The following POR variants were observed in gnomAD, a reference collection of about 807,000 sequenced individuals.
The protein encoded by POR is NADPH--cytochrome P450 reductase.
Under a neutral mutation model 84.0 loss-of-function variants are expected in POR, and 56 were observed. The ratio of observed to expected loss-of-function variants is 0.67; its 90% CI spans 0.54 to 0.83. The LOEUF (loss-of-function observed/expected upper bound fraction) is 0.83, where lower values mean the gene tolerates loss of function less well. Ranked by LOEUF, POR falls within the 40% of genes least tolerant of loss-of-function variation. The pLI is 0.00. For synonymous variants in POR, 414 were observed against 400.5 expected, an observed-to-expected ratio of 1.03 and a Z score of -0.40; for missense variants, 938 against 944.3, an observed-to-expected ratio of 0.99 and a Z score of 0.09.
At position 75,985,695 on chromosome 7, in the gene POR, G is replaced by A. The variant is rs782254385; in HGVS notation, c.1515G>A (p.Glu505=). ...TGCGGGCCAAGGAGCCTGCCGGGGA[G>A]AACGGCGGCCGTGCGCTGGTGCCCA... Residue 505 remains glutamate, a synonymous_variant, in exon 13 of 16, where the codon GAG becomes GAA. Coordinates refer to ENST00000461988, the MANE Select transcript of POR (RefSeq NM_000941.3). 11 of 1,591,254 alleles carry A rather than the reference G, an allele frequency of 6.9e-6. No homozygotes were observed. In the Admixed American group the frequency reaches 1.9e-4, roughly 28 times the overall value.
At chr7:75,965,457 C>T (rs1008202431) in intron 2 of POR, among the ~76,000 whole-genome samples, 2 of 152,178 alleles carry the variant, frequency 1.3e-5, no homozygotes, top group Non-Finnish European at 2.9e-5. Context: ...TCCTGCACCA[C>T]GCTTTTGCTC....
At chr7:75,969,856 A>G (rs1554555882) in intron 2 of POR, among the ~76,000 whole-genome samples, 2 of 152,226 alleles carry the variant, frequency 1.3e-5, no homozygotes, top group Non-Finnish European at 2.9e-5. Context: ...ACAGCCCCCA[A>G]GGTTATTCAA....
chr7:75,970,294 G>A (rs921588676), intron 2 of POR, among the ~76,000 whole-genome samples: 1 of 151,876 alleles, frequency 6.6e-6, no homozygotes, highest in African/African-American at 2.4e-5. Flanking sequence ...TATTTATATC[G>A]GTTGGTTGGT....
intron 1 of POR, among the ~76,000 whole-genome samples, chr7:75,951,706 G>C (rs1177406816): frequency 6.6e-6 from 1 of 152,210 alleles, no homozygotes; most frequent in Non-Finnish European, 1.5e-5. Flanking sequence ...TCTGGTTGTG[G>C]TGAAAAACCC....
chr7:75,922,289 C>CTCAGA (rs1806912321), intron 1 of POR, among the ~76,000 whole-genome samples: 1 of 150,892 alleles, frequency 6.6e-6, no homozygotes, highest in Non-Finnish European at 1.5e-5. Flanking sequence ...ATTGACTGAG[C>CTCAGA]TCAGATGTCA....
rs1057870 is a variant in POR, at chr7:75,985,969, G to A, written c.1716G>A (p.Ser572=). Residue 572 remains serine, a synonymous_variant, in exon 14 of 16, where the codon TCG becomes TCA. Transcript: ENST00000461988. ...TGCTGTACTACGGCTGCCGCCGCTCGGATGAGGACTACCTGTACCGGGAGG... is the reference window on the plus strand; with the variant it reads ...TGCTGTACTACGGCTGCCGCCGCTCAGATGAGGACTACCTGTACCGGGAGG... 526,237 of 1,584,318 alleles carry A rather than the reference G, an allele frequency of 0.33. 92,226 individuals carry two copies. The highest frequency in any genetic ancestry group is 0.37 in the Non-Finnish European group (427,638 of 1,166,364).
chr7:75,949,498 TTTGTTG>T (rs1261115064), intron 1 of POR, among the ~76,000 whole-genome samples: 1 of 148,906 alleles, frequency 6.7e-6, no homozygotes, highest in Non-Finnish European at 1.5e-5. Flanking sequence ...CATCTCAGGG[TTTGTTG>T]TTGTTGTTGT....
Position 75,981,401 on chromosome 7 carries a change from AGG to A in POR, c.642-114_642-113del. 2.5e-6 allele frequency: 3 copies of A among 1,195,978 alleles called. No homozygotes were observed. In the East Asian group the frequency reaches 7.7e-5, roughly 31 times the overall value. 74.1% of individuals were successfully genotyped at this position (1,195,978 alleles called of 1,614,324 possible). A position where few individuals can be genotyped will look rare whatever the true frequency, so the allele number is the denominator to read the frequency against. On this transcript the variant is annotated intron_variant, in intron 6 of 15. Transcript: ENST00000461988. ...CTGGGTTTATGTCGCTGGGTGCCCC[AGG>A]GTGCACAGTCCTGAGCTTTGGGGAT...
chr7:75,953,609 T>A (rs1554553245), intron 1 of POR, among the ~76,000 whole-genome samples: 1 of 152,128 alleles, frequency 6.6e-6, no homozygotes, highest in Non-Finnish European at 1.5e-5. Context: ...AATGGTCCAC[T>A]CTTGCGTGCA....
intron 3 of POR, among the ~76,000 whole-genome samples, chr7:75,978,358 C>G (rs1000095546): frequency 6.6e-6 from 1 of 152,012 alleles, no homozygotes; most frequent in African/African-American, 2.4e-5. Context: ...CTTACTGTTC[C>G]CTAAACAATA....
Position 75,984,903 on chromosome 7 carries a change from A to C in POR, c.1193A>C (p.Glu398Ala). The C allele has an allele frequency of 6.2e-7, 1 of 1,611,004 alleles. No homozygotes were observed. ...TACGAGCTGGCGCAGTACGCCTCGG[A>C]GCCCTCGGAGCAGGAGCTGCTGCGC... Residue 398 changes from glutamate to alanine, a missense_variant, in exon 11 of 16, where the codon GAG (glutamate) becomes GCG (alanine). Coordinates refer to ENST00000461988, the MANE Select transcript of POR (RefSeq NM_000941.3).
Position 75,985,985 on chromosome 7 carries a change from T to C in POR, c.1732T>C (p.Tyr578His), listed in dbSNP as rs1789427456. 1.9e-6 allele frequency: 3 copies of C among 1,581,086 alleles called. No homozygotes were observed. Among genetic ancestry groups the C allele is most frequent in the East Asian group, 2.3e-5 (1 of 43,144 alleles). ...CCGCCGCTCGGATGAGGACTACCTG[T>C]ACCGGGAGGAGCTGGCGCAGTTCCA... The change falls in exon 14 of 16, where the codon TAC becomes CAC. Residue 578 changes from tyrosine (Y) to histidine (H), a missense_variant. Physicochemically the swap from Tyr to His is moderately conservative, Grantham distance 83. Coordinates refer to ENST00000461988, the MANE Select transcript of POR (RefSeq NM_000941.3).
chr7:75,937,516 C>T (rs1197527765), intron 1 of POR, among the ~76,000 whole-genome samples: 1 of 144,722 alleles, frequency 6.9e-6, no homozygotes, highest in Non-Finnish European at 1.5e-5. Context: ...TGTTTGGTGG[C>T]TCACGTCTGT....
intron 1 of POR, among the ~76,000 whole-genome samples, chr7:75,951,941 G>T (rs892409853): frequency 6.6e-6 from 1 of 152,086 alleles, no homozygotes; most frequent in Non-Finnish European, 1.5e-5. Context: ...CCTCCCGGAC[G>T]GGGCGGCTGG....
chr7:75,937,511 G>A (rs1484054190), intron 1 of POR, among the ~76,000 whole-genome samples: 1 of 148,714 alleles, frequency 6.7e-6, no homozygotes, highest in Non-Finnish European at 1.5e-5. Flanking sequence ...GGCCGTGTTT[G>A]GTGGCTCACG....
At chr7:75,951,436 T>G (rs1338112675) in intron 1 of POR, among the ~76,000 whole-genome samples, 2 of 152,008 alleles carry the variant, frequency 1.3e-5, no homozygotes, top group African/African-American at 4.8e-5. Flanking sequence ...TAAATTGAGA[T>G]GAACTCAAGC....
At chr7:75,952,165 C>T (rs1300277173) in intron 1 of POR, among the ~76,000 whole-genome samples, 18 of 71,620 alleles carry the variant, frequency 2.5e-4, no homozygotes, top group African/African-American at 5.8e-4. Context: ...CCCTCCCGGA[C>T]GGGGCAGCTG....
At chr7:75,946,005 C>G (rs368235269) in intron 1 of POR, among the ~76,000 whole-genome samples, 1 of 152,174 alleles carries the variant, frequency 6.6e-6, no homozygotes, top group East Asian at 1.9e-4. Flanking sequence ...CAGTGCCCCC[C>G]AGCCTGTGTG....
At chr7:75,981,406 GCA>G in intron 6 of POR, 109 bp from the exon 7 acceptor site, 3 of 1,250,846 alleles carry the variant, frequency 2.4e-6, no homozygotes, top group East Asian at 2.5e-5. Flanking sequence ...GCCCCAGGGT[GCA>G]CAGTCCTGAG....
Sources: allele counts gnomAD v4.1 joint callset (sites outside exome capture counted in the v4.1 genomes callset), GRCh38; gene constraint gnomAD v4.1.1; transcripts MANE v1.5; gene names NCBI Gene and HGNC (gene_info 2026-07-23, HGNC 2026-07-21).